The following MACROD2 variants were observed in gnomAD, a reference collection of about 807,000 sequenced individuals.
MACROD2 encodes mono-ADP ribosylhydrolase 2.
In MACROD2, 36 loss-of-function variants were observed where a neutral mutation model predicts 70.4. The ratio of observed to expected loss-of-function variants is 0.51; its 90% CI spans 0.39 to 0.68. The LOEUF (loss-of-function observed/expected upper bound fraction) is 0.68, where lower values mean the gene tolerates loss of function less well. Ranked by LOEUF, MACROD2 falls within the 30% of genes least tolerant of loss-of-function variation. MACROD2 has a pLI of 0.00. For synonymous variants in MACROD2, 172 were observed against 178.8 expected (o/e 0.96, Z 0.30); for missense variants, 496 against 538.4 (o/e 0.92, Z 0.78).
intron 5 of MACROD2, among the ~76,000 whole-genome samples, chr20:14,994,301 G>T (rs1015266017): frequency 6.6e-6 from 1 of 152,046 alleles, no homozygotes; most frequent in African/African-American, 2.4e-5. Context: ...GAAAAGGGAT[G>T]CCCAACAGGA....
At chr20:15,698,981 T>A (rs560805063) in intron 8 of MACROD2, among the ~76,000 whole-genome samples, 27 of 152,314 alleles carry the variant, frequency 1.8e-4, no homozygotes, top group African/African-American at 5.8e-4. Flanking sequence ...TCCCTTTACT[T>A]CTTGTATTAT....
At chr20:14,065,757 A>G (rs1444191235) in intron 2 of MACROD2, among the ~76,000 whole-genome samples, 1 of 152,214 alleles carries the variant, frequency 6.6e-6, no homozygotes, top group African/African-American at 2.4e-5. Context: ...TTGAGATTCA[A>G]ATCGGCATAA....
At chr20:15,842,720 A>AGATAGATAGAT (rs2064186169) in intron 8 of MACROD2, among the ~76,000 whole-genome samples, 1 of 34,664 alleles carries the variant, frequency 2.9e-5, no homozygotes, top group Non-Finnish European at 4.9e-5. Context: ...ATGGATAGAT[A>AGATAGATAGAT]GATAGATAGA....
intron 3 of MACROD2, among the ~76,000 whole-genome samples, chr20:14,276,182 G>T (rs1273392500): frequency 2.0e-5 from 3 of 152,132 alleles, no homozygotes; most frequent in Non-Finnish European, 4.4e-5. Context: ...GCACGCGTAT[G>T]TTTATTGCAG....
chr20:15,502,530 T>A (rs541114277), intron 8 of MACROD2, among the ~76,000 whole-genome samples: 3 of 152,256 alleles, frequency 2.0e-5, no homozygotes, highest in African/African-American at 7.2e-5. Context: ...TAATTCACCT[T>A]TTAAAAACAA....
chr20:15,126,488 AT>A (rs1226744561), intron 5 of MACROD2, among the ~76,000 whole-genome samples: 2 of 152,038 alleles, frequency 1.3e-5, no homozygotes, highest in African/African-American at 4.8e-5. Context: ...ATTTAATAAA[AT>A]TTGCATTTTT....
chr20:14,655,269 C>T (rs1041634558), intron 4 of MACROD2, among the ~76,000 whole-genome samples: 1 of 151,352 alleles, frequency 6.6e-6, no homozygotes, highest in Non-Finnish European at 1.5e-5. Context: ...GTGATAAATG[C>T]ACTAATTACA....
At chr20:14,012,246 C>T (rs2052920873) in intron 2 of MACROD2, among the ~76,000 whole-genome samples, 1 of 152,160 alleles carries the variant, frequency 6.6e-6, no homozygotes, top group Admixed American at 6.6e-5. Flanking sequence ...TAACACATAT[C>T]AAACCATCCT....
At chr20:15,362,198 G>C (rs1398247462) in intron 6 of MACROD2, among the ~76,000 whole-genome samples, 1 of 151,804 alleles carries the variant, frequency 6.6e-6, no homozygotes, top group Non-Finnish European at 1.5e-5. Flanking sequence ...TTTTAGTAGA[G>C]ACGGGGTTTC....
At chr20:15,478,554 T>C (rs959119592) in intron 7 of MACROD2, among the ~76,000 whole-genome samples, 42 of 4,620 alleles carry the variant, frequency 9.1e-3, no homozygotes, top group African/African-American at 0.088. Flanking sequence ...TGTGTGTGTC[T>C]GTGTGTGTGT....
chr20:14,388,868 G>C (rs1008040748), intron 3 of MACROD2, among the ~76,000 whole-genome samples: 7 of 152,072 alleles, frequency 4.6e-5, no homozygotes. Context: ...GACACAGAGA[G>C]AGAGAGCAGT....
intron 3 of MACROD2, among the ~76,000 whole-genome samples, chr20:14,185,112 A>G (rs543122355): frequency 6.6e-6 from 1 of 151,616 alleles, no homozygotes; most frequent in South Asian, 2.1e-4. Flanking sequence ...GATGCTCAAT[A>G]ATGATTTGTT....
intron 4 of MACROD2, among the ~76,000 whole-genome samples, chr20:14,646,948 G>C (rs1985426813): frequency 6.6e-6 from 1 of 152,052 alleles, no homozygotes; most frequent in Non-Finnish European, 1.5e-5. Flanking sequence ...GGGTTTTGTT[G>C]TTAGCTGAGA....
At chr20:16,037,863 G>C (rs1297359600) in intron 15 of MACROD2, among the ~76,000 whole-genome samples, 1 of 151,718 alleles carries the variant, frequency 6.6e-6, no homozygotes, top group Non-Finnish European at 1.5e-5. Flanking sequence ...TTAATGGTTG[G>C]TGCTTTGTCC....
Position 15,206,719 on chromosome 20 carries a change from ATG to A in MACROD2, c.419-23219_419-23218del, listed in dbSNP as rs1470278685. Among the ~76,000 whole-genome samples, 62 of 48,142 alleles carry A rather than the reference ATG, an allele frequency of 1.3e-3. 2 individuals carry two copies. Among genetic ancestry groups the A allele is most frequent in the Middle Eastern group, 0.011 (1 of 90 alleles). The allele number at this position is 48,142 out of a possible 152,430, so 31.6% of individuals were successfully genotyped here. ...CAGCATGAAGTCTTTCATATTATCT[ATG>A]TTTTTTTTTTTTTTTTTTTTTTTTT... On this transcript the variant is annotated intron_variant, in intron 5 of 17. Transcript: ENST00000684519.
At chr20:15,815,464 C>T (rs544361437) in intron 8 of MACROD2, among the ~76,000 whole-genome samples, 22 of 151,500 alleles carry the variant, frequency 1.5e-4, no homozygotes, top group African/African-American at 4.6e-4. Context: ...GACCTGTGTG[C>T]GACAGCTGGT....
intron 10 of MACROD2, among the ~76,000 whole-genome samples, chr20:15,886,481 C>T (rs920870533): frequency 3.9e-5 from 6 of 152,140 alleles, no homozygotes; most frequent in Non-Finnish European, 7.4e-5. Context: ...TGAAAATGAA[C>T]TCAATCTGTT....
rs901473547 is a variant in MACROD2, at chr20:14,242,586, T to C, written c.271+156858T>C. 4.6e-5 allele frequency among the ~76,000 whole-genome samples: 7 copies of C among 152,182 alleles called. 1 individual carries two copies. Among genetic ancestry groups the C allele is most frequent in the Non-Finnish European group, 1.0e-4 (7 of 68,004 alleles). On this transcript the variant is annotated intron_variant, in intron 3 of 17. Transcript: ENST00000684519. The stretch of plus-strand genomic sequence containing the variant: ...TGAATTTTTAAATTGTTCCATTGGA[T>C]GACAGATAACATTTAGGTGTTAATT...
chr20:15,243,688 G>A (rs1299029170), intron 6 of MACROD2, among the ~76,000 whole-genome samples: 2 of 152,118 alleles, frequency 1.3e-5, no homozygotes, highest in African/African-American at 4.8e-5. Context: ...GGCCGAGGCG[G>A]GCAAATCACG....
Sources: allele counts gnomAD v4.1 joint callset (sites outside exome capture counted in the v4.1 genomes callset), GRCh38; gene constraint gnomAD v4.1.1; transcripts MANE v1.5; gene names NCBI Gene and HGNC (gene_info 2026-07-23, HGNC 2026-07-21).